The following L3MBTL4 variants were observed in gnomAD, a reference collection of about 807,000 sequenced individuals.
L3MBTL4 encodes the protein lethal(3)malignant brain tumor-like protein 4.
L3MBTL4 carries 70 observed loss-of-function variants against 84.5 expected under a neutral mutation model. That is an observed-to-expected ratio of 0.83 (90% CI 0.68 to 1.01). The LOEUF is 1.01. L3MBTL4 is among the 50% of genes least tolerant of loss of function. The probability of loss-of-function intolerance (pLI) is 0.00; values close to 1 mark genes in which losing one functional copy is unlikely to be tolerated. For missense variants in L3MBTL4, 715 were observed against 754.8 expected (o/e 0.95, Z 0.62); for synonymous variants, 274 against 259.8 (o/e 1.05, Z -0.52).
rs114865246 is a variant in L3MBTL4, at chr18:6,404,899, G to A, written c.-91+9902C>T. 3.0e-3 allele frequency among the ~76,000 whole-genome samples: 448 copies of A among 150,032 alleles called. 1 individual carries two copies. Among genetic ancestry groups the A allele is most frequent in the African/African-American group, 0.01 (426 of 40,720 alleles). The stretch of plus-strand genomic sequence containing the variant: ...GACGAAGTCTCACTATGTTGCCCAC[G>A]TTGCCAGGCTGGTCTTGAACTCCTG... On this transcript the variant is annotated intron_variant, in intron 1 of 18. Transcript: ENST00000317931.
intron 16 of L3MBTL4, among the ~76,000 whole-genome samples, chr18:5,997,645 C>A (rs1031822037): frequency 1.3e-5 from 2 of 152,006 alleles, no homozygotes; most frequent in Non-Finnish European, 2.9e-5. Flanking sequence ...CCAGACGGAA[C>A]CAATGTAAAT....
chr18:6,351,152 C>T (rs139179042), intron 1 of L3MBTL4, among the ~76,000 whole-genome samples: 223 of 152,070 alleles, frequency 1.5e-3, no homozygotes, highest in African/African-American at 5.0e-3. Flanking sequence ...GCCAAAATCA[C>T]GCCACTGCAC....
At chr18:5,960,196 C>A in intron 17 of L3MBTL4, 40 bp from the exon 18 acceptor site, 1 of 1,315,014 alleles carries the variant, frequency 7.6e-7, no homozygotes, top group Non-Finnish European at 1.1e-6. Flanking sequence ...ATACATGCAC[C>A]TGAAATAATT....
chr18:6,411,845 T>C (rs959253142), intron 1 of L3MBTL4, among the ~76,000 whole-genome samples: 2 of 152,224 alleles, frequency 1.3e-5, no homozygotes, highest in Non-Finnish European at 2.9e-5. Context: ...TGGTTTTCTG[T>C]TGTTTAAGGA....
At chr18:6,257,618 T>C (rs1382895432) in intron 5 of L3MBTL4, among the ~76,000 whole-genome samples, 2 of 151,842 alleles carry the variant, frequency 1.3e-5, no homozygotes, top group Non-Finnish European at 2.9e-5. Flanking sequence ...AAATGTTCTT[T>C]TCTTTTTTCT....
intron 1 of L3MBTL4, among the ~76,000 whole-genome samples, chr18:6,335,638 T>G (rs764176292): frequency 3.9e-5 from 6 of 152,186 alleles, no homozygotes; most frequent in African/African-American, 1.4e-4. Flanking sequence ...ATCCTCCACA[T>G]GTCAAGGGAG....
At chr18:6,376,281 TCAC>T (rs1483831625) in intron 1 of L3MBTL4, among the ~76,000 whole-genome samples, 1 of 152,174 alleles carries the variant, frequency 6.6e-6, no homozygotes, top group Non-Finnish European at 1.5e-5. Flanking sequence ...ACTTCAAACA[TCAC>T]CTCCTCCTGT....
At chr18:5,964,779 A>C (rs2052257089) in intron 17 of L3MBTL4, among the ~76,000 whole-genome samples, 1 of 152,082 alleles carries the variant, frequency 6.6e-6, no homozygotes, top group Non-Finnish European at 1.5e-5. Flanking sequence ...TGTGCACACC[A>C]CATATCACGC....
chr18:6,082,703 T>C (rs1252218420), intron 15 of L3MBTL4, among the ~76,000 whole-genome samples: 1 of 152,202 alleles, frequency 6.6e-6, no homozygotes, highest in East Asian at 1.9e-4. Context: ...ATAAAACTTT[T>C]ATGGGTATTT....
At chr18:6,246,902 T>TA (rs1045194161) in intron 5 of L3MBTL4, among the ~76,000 whole-genome samples, 96 of 141,134 alleles carry the variant, frequency 6.8e-4, no homozygotes, top group African/African-American at 1.1e-3. Context: ...AAACTCCAAC[T>TA]AAAAAAAAAA....
intron 1 of L3MBTL4, among the ~76,000 whole-genome samples, chr18:6,316,881 C>A (rs2051132600): frequency 6.6e-6 from 1 of 152,178 alleles, no homozygotes; most frequent in South Asian, 2.1e-4. Flanking sequence ...CATCTGCCCA[C>A]TATTGGGTAC....
intron 16 of L3MBTL4, chr18:6,030,552 T>G (rs1307921747): frequency 2.4e-6 from 2 of 837,164 alleles, no homozygotes; most frequent in African/African-American, 3.7e-5. Context: ...AGGCTGGTGA[T>G]GTACAGTGGC....
chr18:6,077,502 G>C (rs1320086769), intron 16 of L3MBTL4, among the ~76,000 whole-genome samples: 1 of 152,046 alleles, frequency 6.6e-6, no homozygotes, highest in Non-Finnish European at 1.5e-5. Flanking sequence ...ATGATGGGTA[G>C]TCTTTAAAAT....
At chr18:6,158,335 C>T (rs1157110675) in intron 13 of L3MBTL4, among the ~76,000 whole-genome samples, 5 of 152,086 alleles carry the variant, frequency 3.3e-5, no homozygotes, top group Non-Finnish European at 7.4e-5. Context: ...CCATGGAGGC[C>T]TTTCTAAGAA....
intron 14 of L3MBTL4, among the ~76,000 whole-genome samples, chr18:6,130,578 C>A (rs2059844139): frequency 6.6e-6 from 1 of 152,158 alleles, no homozygotes; most frequent in Admixed American, 6.5e-5. Flanking sequence ...GTAACAATAT[C>A]TGGCTCTCAA....
At chr18:6,031,036 C>G in intron 16 of L3MBTL4, 7 of 985,404 alleles carry the variant, frequency 7.1e-6, no homozygotes, top group Non-Finnish European at 8.4e-6. Context: ...TAGTTGCTCT[C>G]TGGCTGGACT....
At chr18:6,361,261 A>AG (rs2053682293) in intron 1 of L3MBTL4, among the ~76,000 whole-genome samples, 1 of 152,160 alleles carries the variant, frequency 6.6e-6, no homozygotes, top group African/African-American at 2.4e-5. Flanking sequence ...ACTCAAACAC[A>AG]GATCTTCTCA....
chr18:6,314,033 AGAT>A (rs2050961181), intron 1 of L3MBTL4, among the ~76,000 whole-genome samples: 1 of 137,128 alleles, frequency 7.3e-6, no homozygotes. Context: ...GATGGATGGC[AGAT>A]GATAGATAGA....
intron 16 of L3MBTL4, chr18:6,031,395 T>C: frequency 1.0e-6 from 1 of 985,476 alleles, no homozygotes; most frequent in Non-Finnish European, 1.2e-6. Flanking sequence ...GAGGTGCTAC[T>C]TCTTTGTGGC....
Sources: gnomAD v4.1 joint callset for allele counts (sites outside exome capture counted in the v4.1 genomes callset) on GRCh38, gnomAD v4.1.1 for gene constraint, MANE v1.5 for transcripts, NCBI Gene and HGNC (gene_info 2026-07-23, HGNC 2026-07-21) for gene names.